HACD4: variants seen among roughly 807,000 people sequenced by gnomAD.
The protein encoded by HACD4 is 3-hydroxyacyl-CoA dehydratase 4, also known as very-long-chain (3R)-3-hydroxyacyl-CoA dehydratase 4.
HACD4 carries 35 observed loss-of-function variants against 33.3 expected under a neutral mutation model. The observed-to-expected ratio is 1.05, with a 90% CI of 0.80 to 1.39. The LOEUF (loss-of-function observed/expected upper bound fraction) is 1.39, where lower values mean the gene tolerates loss of function less well. Among genes scored for constraint, HACD4 ranks in the 40% most tolerant of loss-of-function variants. The pLI is 0.00. For synonymous variants in HACD4, 118 were observed against 98.0 expected (o/e 1.20, Z -1.21); for missense variants, 323 against 276.5 (o/e 1.17, Z -1.19).
intron 5 of HACD4, among the ~76,000 whole-genome samples, chr9:21,011,294 T>G (rs1051025001): frequency 2.6e-5 from 4 of 152,210 alleles, no homozygotes; most frequent in African/African-American, 9.6e-5. Flanking sequence ...TAACTTCTTT[T>G]TGGTGAATAA....
At chr9:21,017,371 A>C (rs772640239) in intron 3 of HACD4, among the ~76,000 whole-genome samples, 1 of 152,124 alleles carries the variant, frequency 6.6e-6, no homozygotes, top group Non-Finnish European at 1.5e-5. Context: ...ACCTTAGTCA[A>C]ACCATGGAAG....
rs1842159273 is a variant in HACD4, at chr9:21,001,006, T to C, written c.*6031A>G. 1 of 152,018 alleles carries C rather than the reference T, an allele frequency of 6.6e-6. No homozygotes were observed. Among genetic ancestry groups the C allele is most frequent in the African/African-American group, 2.4e-5 (1 of 41,420 alleles). 9.4% of individuals were successfully genotyped at this position (152,018 alleles called of 1,614,324 possible). ...TAGTGAGATGTAGTTACCATATTATTAGATTGAAACGTTCAGTTTTCAGCA... is the reference window on the plus strand; with the variant it reads ...TAGTGAGATGTAGTTACCATATTATCAGATTGAAACGTTCAGTTTTCAGCA... On this transcript the variant is annotated 3_prime_UTR_variant, in exon 7 of 7. Transcript: ENST00000495827.
At chr9:21,031,388 G>T in intron 1 of HACD4, 165 bp downstream of exon 1, 2 of 910,014 alleles carry the variant, frequency 2.2e-6, no homozygotes, top group Non-Finnish European at 2.6e-6. Flanking sequence ...AGAGGGGTAA[G>T]TTAGCAAATA....
In HACD4 at chr9:21,002,508, C is replaced by A. The variant is rs543342744; in HGVS notation, c.*4529G>T. On this transcript the variant is annotated 3_prime_UTR_variant, in exon 7 of 7. Transcript: ENST00000495827. Reference sequence around the variant, plus strand: ...ATTTATATGAGGTACTTAGAGCAATCAAAATCATAGAGACAAAAAGTAGAC... The same window carrying A: ...ATTTATATGAGGTACTTAGAGCAATAAAAATCATAGAGACAAAAAGTAGAC... 5.3e-4 allele frequency: 80 copies of A among 152,124 alleles called. 1 individual carries two copies. Among genetic ancestry groups the A allele is most frequent in the African/African-American group, 1.8e-3 (75 of 41,512 alleles). 9.4% of individuals were successfully genotyped at this position (152,124 alleles called of 1,614,324 possible).
intron 3 of HACD4, among the ~76,000 whole-genome samples, chr9:21,024,211 A>T (rs1818007414): frequency 6.6e-6 from 1 of 152,276 alleles, no homozygotes; most frequent in African/African-American, 2.4e-5. Flanking sequence ...AGGATGATAA[A>T]TTAATAAAAG....
Position 21,008,056 on chromosome 9 carries a change from T to TA in HACD4, c.580dup (p.Tyr194LeufsTer35). 1 of 1,608,454 alleles carries TA rather than the reference T, an allele frequency of 6.2e-7. No individual in the cohort carries two copies. Among genetic ancestry groups the TA allele is most frequent in the Non-Finnish European group, 8.5e-7 (1 of 1,177,502 alleles). On this transcript the variant is annotated frameshift_variant, in exon 6 of 7. Coordinates refer to ENST00000495827, the MANE Select transcript of HACD4 (RefSeq NM_001010915.5). LOFTEE classifies it high-confidence loss of function. ...CATCATGAGATATATTTTCAGCACATATGGGAAATAGATGGATAAGTCAAA... is the reference window on the plus strand; with the variant it reads ...CATCATGAGATATATTTTCAGCACATAATGGGAAATAGATGGATAAGTCAAA...
Position 21,026,688 on chromosome 9 carries a change from C to A in HACD4, c.178G>T (p.Val60Leu), listed in dbSNP as rs750999754. Residue 60 changes from valine to leucine, a missense_variant, in exon 3 of 7, where the codon GTG becomes TTG. Val to Leu is a conservative substitution (Grantham distance 32). Coordinates refer to ENST00000495827, the MANE Select transcript of HACD4 (RefSeq NM_001010915.5). ...GATACGGATTGGCAAAGTCGCATCACAAGTCCAATAGCATAAAAAGTGTCA... is the reference window on the plus strand; with the variant it reads ...GATACGGATTGGCAAAGTCGCATCAAAAGTCCAATAGCATAAAAAGTGTCA... ...MVDTFYAIGL[V>L]MRLCQSVSLL... The A allele has an allele frequency of 6.2e-7, 1 of 1,613,588 alleles. No individual in the cohort carries two copies. Among genetic ancestry groups the A allele is most frequent in the Non-Finnish European group, 8.5e-7 (1 of 1,179,502 alleles).
chr9:21,000,061 T>C lies in HACD4; in HGVS notation c.*6976A>G, dbSNP rs758771925. The C allele has an allele frequency of 1.3e-5, 2 of 152,178 alleles. No homozygotes were observed. Among genetic ancestry groups the C allele is most frequent in the Non-Finnish European group, 2.9e-5 (2 of 68,004 alleles). The allele number at this position is 152,178 out of a possible 1,614,324, so 9.4% of individuals were successfully genotyped here. A position where few individuals can be genotyped will look rare whatever the true frequency, so the allele number is the denominator to read the frequency against. The stretch of plus-strand genomic sequence containing the variant: ...CTCAAATCAAACCTAGTGCTCTTAA[T>C]TCCAGACCACATTATCTTTCACAAG... On this transcript the variant is annotated 3_prime_UTR_variant, in exon 7 of 7. Coordinates refer to ENST00000495827, the MANE Select transcript of HACD4 (RefSeq NM_001010915.5).
chr9:21,021,708 C>T (rs1217361906), intron 3 of HACD4, among the ~76,000 whole-genome samples: 1 of 152,032 alleles, frequency 6.6e-6, no homozygotes, highest in African/African-American at 2.4e-5. Flanking sequence ...AACTACAAAC[C>T]ACTGCTCAAC....
At position 21,001,206 on chromosome 9, in the gene HACD4, A is replaced by C. The variant is rs577653488; in HGVS notation, c.*5831T>G. 1.7e-4 allele frequency: 26 copies of C among 152,186 alleles called. No individual in the cohort carries two copies. The highest frequency in any genetic ancestry group is 1.5e-5 in the Non-Finnish European group (1 of 67,962). The allele number at this position is 152,186 out of a possible 1,614,324, so 9.4% of individuals were successfully genotyped here. On this transcript the variant is annotated 3_prime_UTR_variant, in exon 7 of 7. Transcript: ENST00000495827. ...AGCATGCGGAAAAAGTCAAAAAACC[A>C]ATGGATGAACAAAATGGTAATATCA...
At position 21,008,069 on chromosome 9, in the gene HACD4, T is replaced by C. The variant is rs560763075; in HGVS notation, c.568A>G (p.Ile190Val). 2 of 1,611,652 alleles carry C rather than the reference T, an allele frequency of 1.2e-6. No individual in the cohort carries two copies. Among genetic ancestry groups the C allele is most frequent in the African/African-American group, 1.3e-5 (1 of 74,898 alleles). ...YSTKLPFDLSIYFPYVLKIYL... is the reference protein window; with the variant it reads ...YSTKLPFDLSVYFPYVLKIYL... ...ATTTTCAGCACATATGGGAAATAGATGGATAAGTCAAAGGGCAGCTTGGTG... is the reference window on the plus strand; with the variant it reads ...ATTTTCAGCACATATGGGAAATAGACGGATAAGTCAAAGGGCAGCTTGGTG... Residue 190 changes from isoleucine to valine, a missense_variant, in exon 6 of 7, where the codon ATC (isoleucine) becomes GTC (valine). Coordinates refer to ENST00000495827, the MANE Select transcript of HACD4 (RefSeq NM_001010915.5).
At chr9:21,016,929 C>A (rs1042058356) in intron 3 of HACD4, among the ~76,000 whole-genome samples, 1 of 151,412 alleles carries the variant, frequency 6.6e-6, no homozygotes, top group Admixed American at 6.6e-5. Context: ...CAATTACTAG[C>A]CTCAAAAAAT....
intron 3 of HACD4, 109 bp downstream of exon 3, chr9:21,026,487 A>G: frequency 1.2e-6 from 1 of 826,382 alleles, no homozygotes; most frequent in Non-Finnish European, 1.9e-6. Context: ...CTTATCAGTG[A>G]CCTAAGACAA....
In HACD4 at chr9:21,002,380, T is replaced by A. The variant is rs577717131; in HGVS notation, c.*4657A>T. The A allele has an allele frequency of 6.6e-6, 1 of 152,222 alleles. No homozygotes were observed. Among genetic ancestry groups the A allele is most frequent in the South Asian group, 2.1e-4 (1 of 4,830 alleles). 9.4% of individuals were successfully genotyped at this position (152,222 alleles called of 1,614,324 possible). A position where few individuals can be genotyped will look rare whatever the true frequency, so the allele number is the denominator to read the frequency against. ...GTAAGTCCCTCCTTATCAGTCATCC[T>A]CAAAAAGGAAGAAAATTCTGACATA... On this transcript the variant is annotated 3_prime_UTR_variant, in exon 7 of 7. Transcript: ENST00000495827.
chr9:21,007,795 G>A (rs1393029199), intron 6 of HACD4, among the ~76,000 whole-genome samples: 1 of 152,134 alleles, frequency 6.6e-6, no homozygotes, highest in Admixed American at 6.6e-5. Context: ...TTTTCTGATA[G>A]TAAAATTGTT....
chr9:21,012,233 G>A (rs1166469775), intron 4 of HACD4, among the ~76,000 whole-genome samples: 1 of 152,144 alleles, frequency 6.6e-6, no homozygotes, highest in Non-Finnish European at 1.5e-5. Context: ...TCTACGTTGT[G>A]TTTTATTTCT....
chr9:21,007,911 T>A, intron 6 of HACD4, 110 bp downstream of exon 6: 1 of 943,776 alleles, frequency 1.1e-6, no homozygotes, highest in Non-Finnish European at 1.5e-6. Context: ...GATGTCAGGC[T>A]TCCTCTTTGG....
intron 1 of HACD4, among the ~76,000 whole-genome samples, chr9:21,030,423 C>T (rs375232728): frequency 6.6e-6 from 1 of 152,002 alleles, no homozygotes; most frequent in East Asian, 1.9e-4. Context: ...GCCTGGGCGA[C>T]AGATCAAAAC....
chr9:21,016,430 A>C (rs1842557643), intron 3 of HACD4, among the ~76,000 whole-genome samples: 1 of 152,224 alleles, frequency 6.6e-6, no homozygotes, highest in African/African-American at 2.4e-5. Context: ...ATATGGGAGC[A>C]CAGGTGAGCG....
Sources: allele counts gnomAD v4.1 joint callset (sites outside exome capture counted in the v4.1 genomes callset), GRCh38; gene constraint gnomAD v4.1.1; transcripts MANE v1.5; gene names NCBI Gene and HGNC (gene_info 2026-07-23, HGNC 2026-07-21).